Variants in BCKDHB observed in about 807,000 individuals in gnomAD.
BCKDHB encodes 2-oxoisovalerate dehydrogenase subunit beta, mitochondrial.
In BCKDHB, 41 loss-of-function variants were observed where a neutral mutation model predicts 48.5. That is an observed-to-expected ratio of 0.85 (90% CI 0.66 to 1.10). BCKDHB has a LOEUF of 1.10. Among genes scored for constraint, BCKDHB ranks in the 50% least tolerant of loss-of-function variants. The probability of loss-of-function intolerance (pLI) is 0.00; values close to 1 mark genes in which losing one functional copy is unlikely to be tolerated. For synonymous variants in BCKDHB, 201 were observed against 174.8 expected (o/e 1.15, Z -1.18); for missense variants, 496 against 494.2 (o/e 1.00, Z -0.03).
At chr6:80,348,603 T>G (rs58780569), downstream of BCKDHB, among the ~76,000 whole-genome samples, 1 of 152,188 alleles carries the variant, frequency 6.6e-6, no homozygotes, top group East Asian at 1.9e-4. Flanking sequence ...GACTCAGCCT[T>G]GTCGATGACA....
At chr6:80,382,577 C>T in the BCKDHB span, among the ~76,000 whole-genome samples, 1 of 152,132 alleles carries the variant, frequency 6.6e-6, no homozygotes, top group South Asian at 2.1e-4. Context: ...GTGCCCTAAC[C>T]TGCACCTCCT....
At chr6:80,152,013 A>T (rs1328037245) in intron 3 of BCKDHB, among the ~76,000 whole-genome samples, 2 of 152,224 alleles carry the variant, frequency 1.3e-5, no homozygotes, top group African/African-American at 4.8e-5. Context: ...AAGATTAAAA[A>T]GAAAAATTTC....
the BCKDHB span, among the ~76,000 whole-genome samples, chr6:80,385,919 C>T: frequency 1.3e-5 from 2 of 152,202 alleles, no homozygotes; most frequent in African/African-American, 4.8e-5. Context: ...AGGGAATCTG[C>T]ATTTAATGTT....
At chr6:80,340,272 T>A (rs1185454708) in intron 9 of BCKDHB, among the ~76,000 whole-genome samples, 1 of 152,216 alleles carries the variant, frequency 6.6e-6, no homozygotes, top group Non-Finnish European at 1.5e-5. Flanking sequence ...ACTAAATTGT[T>A]GTTTTGGGGT....
the BCKDHB span, among the ~76,000 whole-genome samples, chr6:80,421,680 C>A: frequency 6.6e-6 from 1 of 152,296 alleles, no homozygotes; most frequent in African/African-American, 2.4e-5. Flanking sequence ...AGCAAAGAGA[C>A]TGGTGGCATT....
intron 8 of BCKDHB, among the ~76,000 whole-genome samples, chr6:80,233,890 C>T (rs969638925): frequency 6.6e-6 from 1 of 152,072 alleles, no homozygotes; most frequent in African/African-American, 2.4e-5. Context: ...TTTTTGGCAC[C>T]AGGGACTGGT....
the BCKDHB span, among the ~76,000 whole-genome samples, chr6:80,354,160 G>A: frequency 0.23 from 35,427 of 151,910 alleles, 5,195 homozygotes; most frequent in African/African-American, 0.41. Context: ...TTGATCATCT[G>A]TTATACTGTG....
chr6:80,217,586 A>G (rs904737441), intron 8 of BCKDHB, among the ~76,000 whole-genome samples: 6 of 152,232 alleles, frequency 3.9e-5, no homozygotes, highest in African/African-American at 1.2e-4. Flanking sequence ...AACACACAGT[A>G]CAATGGAGCT....
intron 8 of BCKDHB, among the ~76,000 whole-genome samples, chr6:80,215,361 G>A (rs751886491): frequency 2.6e-5 from 4 of 152,124 alleles, no homozygotes; most frequent in Admixed American, 6.5e-5. Flanking sequence ...TGTACTAATT[G>A]GAACAAGTTC....
intron 1 of BCKDHB, among the ~76,000 whole-genome samples, chr6:80,117,728 C>T (rs1769780842): frequency 6.6e-6 from 1 of 152,238 alleles, no homozygotes; most frequent in African/African-American, 2.4e-5. Context: ...CCAGCCCATC[C>T]CTTTGTTTCC....
chr6:80,206,641 A>G (rs889902983), intron 8 of BCKDHB, among the ~76,000 whole-genome samples: 16 of 151,938 alleles, frequency 1.1e-4, no homozygotes, highest in African/African-American at 3.6e-4. Context: ...TAAGAACTCA[A>G]TGAATAGGCT....
the BCKDHB span, among the ~76,000 whole-genome samples, chr6:80,408,593 A>T: frequency 6.6e-6 from 1 of 152,026 alleles, no homozygotes; most frequent in Non-Finnish European, 1.5e-5. Flanking sequence ...GGGAGGTTGT[A>T]TGTGTCCCAG....
At chr6:80,359,363 A>G in the BCKDHB span, among the ~76,000 whole-genome samples, 1 of 151,638 alleles carries the variant, frequency 6.6e-6, no homozygotes, top group Non-Finnish European at 1.5e-5. Flanking sequence ...CAGCCAGTCA[A>G]CTCTCCCCAT....
At chr6:80,357,479 G>A in the BCKDHB span, among the ~76,000 whole-genome samples, 1 of 152,162 alleles carries the variant, frequency 6.6e-6, no homozygotes, top group Admixed American at 6.5e-5. Context: ...CAGTCCCTAG[G>A]AGTCAGCCTC....
chr6:80,243,554 T>G (rs567383998), intron 8 of BCKDHB, among the ~76,000 whole-genome samples: 5 of 152,198 alleles, frequency 3.3e-5, no homozygotes, highest in African/African-American at 1.2e-4. Context: ...ATTTTTTGAG[T>G]GAGGGTATCA....
At chr6:80,136,817 A>G (rs980502521) in intron 3 of BCKDHB, among the ~76,000 whole-genome samples, 1 of 152,172 alleles carries the variant, frequency 6.6e-6, no homozygotes, top group African/African-American at 2.4e-5. Flanking sequence ...TCCCAAATTG[A>G]TAATTTATAT....
chr6:80,185,328 G>GT (rs781316488), intron 6 of BCKDHB, among the ~76,000 whole-genome samples: 25 of 149,768 alleles, frequency 1.7e-4, no homozygotes, highest in Non-Finnish European at 3.3e-4. Context: ...ATCCTGCACT[G>GT]TTTTTTTTTA....
intron 8 of BCKDHB, among the ~76,000 whole-genome samples, chr6:80,228,398 C>T (rs565575082): frequency 6.6e-6 from 1 of 152,316 alleles, no homozygotes; most frequent in South Asian, 2.1e-4. Context: ...GTGGGGACAT[C>T]TCCCTGAGTG....
chr6:80,376,236 G>T, the BCKDHB span, among the ~76,000 whole-genome samples: 1 of 151,974 alleles, frequency 6.6e-6, no homozygotes, highest in South Asian at 2.1e-4. Flanking sequence ...TAAGTTCCTG[G>T]CAGGATCATG....
Sources: gnomAD v4.1 joint callset for allele counts (sites outside exome capture counted in the v4.1 genomes callset) on GRCh38, gnomAD v4.1.1 for gene constraint, MANE v1.5 for transcripts, NCBI Gene and HGNC (gene_info 2026-07-23, HGNC 2026-07-21) for gene names.